TRIQK: variants seen among roughly 807,000 people sequenced by gnomAD.
TRIQK encodes triple QxxK/R motif-containing protein.
A neutral mutation model predicts 10.8 loss-of-function variants in TRIQK; 10 were observed. The ratio of observed to expected loss-of-function variants is 0.92; its 90% CI spans 0.57 to 1.57. The LOEUF (loss-of-function observed/expected upper bound fraction) is 1.57. Ranked by LOEUF, TRIQK falls within the 40% of genes most tolerant of loss-of-function variation. The pLI, the probability that TRIQK is intolerant of heterozygous loss-of-function variation, is 0.00. For synonymous variants in TRIQK, 33 were observed against 33.7 expected (o/e 0.98, Z 0.07); for missense variants, 107 against 97.7 (o/e 1.09, Z -0.40).
chr8:92,926,265 T>G (rs1183507118), intron 2 of TRIQK: 1 of 152,150 alleles, frequency 6.6e-6, no homozygotes, highest in Non-Finnish European at 1.5e-5. Context: ...AAATGGTCAT[T>G]CATCAGTGTT....
intron 2 of TRIQK, among the ~76,000 whole-genome samples, chr8:92,947,246 TTA>T (rs111754734): frequency 9.3e-4 from 138 of 149,014 alleles, no homozygotes; most frequent in African/African-American, 2.6e-3. Flanking sequence ...TCAACAGTGT[TTA>T]TATATATATA....
intron 3 of TRIQK, among the ~76,000 whole-genome samples, chr8:92,909,546 T>A (rs1809460619): frequency 6.6e-6 from 1 of 151,842 alleles, no homozygotes; most frequent in Non-Finnish European, 1.5e-5. Flanking sequence ...CCAATGATAA[T>A]TTTTCAATGC....
intron 3 of TRIQK, among the ~76,000 whole-genome samples, chr8:92,900,544 C>G (rs1292799967): frequency 6.6e-6 from 1 of 151,978 alleles, no homozygotes; most frequent in African/African-American, 2.4e-5. Flanking sequence ...AAAATGAGCT[C>G]ACTGTAGATG....
intron 1 of TRIQK, among the ~76,000 whole-genome samples, chr8:92,960,224 A>G (rs1812383283): frequency 1.3e-5 from 2 of 152,094 alleles, no homozygotes; most frequent in East Asian, 3.9e-4. Flanking sequence ...CTATCTATGT[A>G]TCTATCTTCT....
At chr8:92,980,722 A>G (rs1405636489) in intron 1 of TRIQK, among the ~76,000 whole-genome samples, 2 of 152,028 alleles carry the variant, frequency 1.3e-5, no homozygotes, top group South Asian at 2.1e-4. Flanking sequence ...TCATTCTCTT[A>G]TATTTTAAAT....
At chr8:92,902,248 A>G (rs1808979275) in intron 3 of TRIQK, among the ~76,000 whole-genome samples, 1 of 152,050 alleles carries the variant, frequency 6.6e-6, no homozygotes, top group African/African-American at 2.4e-5. Context: ...GCTGAAACTC[A>G]GGTTCGTACC....
At position 92,885,153 on chromosome 8, in the gene TRIQK, A is replaced by G. The variant is rs1816409414; in HGVS notation, c.*1469T>C. ...ATAAATGATTTGTGAGGATATTGGA[A>G]CCTTTGGCTGTTTTCACACCAATGA... On this transcript the variant is annotated 3_prime_UTR_variant, in exon 5 of 5. Transcript: ENST00000521988. The G allele has an allele frequency of 5.2e-6, 2 of 381,670 alleles. No homozygotes were observed. Among genetic ancestry groups the G allele is most frequent in the South Asian group, 1.9e-5 (1 of 51,460 alleles). 23.6% of individuals were successfully genotyped at this position (381,670 alleles called of 1,614,324 possible). A position where few individuals can be genotyped will look rare whatever the true frequency, so the allele number is the denominator to read the frequency against.
intron 1 of TRIQK, chr8:92,965,584 C>T (rs1377294051): frequency 6.6e-6 from 1 of 152,394 alleles, no homozygotes; most frequent in African/African-American, 2.4e-5. Flanking sequence ...AGTAATCGGT[C>T]AGCACAAAGG....
At chr8:92,984,695 A>G (rs1813016138) in intron 1 of TRIQK, among the ~76,000 whole-genome samples, 2 of 152,162 alleles carry the variant, frequency 1.3e-5, no homozygotes, top group African/African-American at 4.8e-5. Context: ...AACTTAAGAT[A>G]AAATAATTTT....
chr8:92,941,949 T>C (rs1387965895), intron 2 of TRIQK, among the ~76,000 whole-genome samples: 3 of 152,116 alleles, frequency 2.0e-5, no homozygotes, highest in Admixed American at 6.5e-5. Flanking sequence ...CTCTCATCAG[T>C]GAAAATCCCA....
chr8:92,907,297 C>T (rs1390080746), intron 3 of TRIQK, among the ~76,000 whole-genome samples: 2 of 152,162 alleles, frequency 1.3e-5, no homozygotes, highest in African/African-American at 4.8e-5. Context: ...ACATCGTTCT[C>T]ATGCCCTAAA....
intron 2 of TRIQK, among the ~76,000 whole-genome samples, chr8:92,927,000 C>T (rs1810478655): frequency 6.6e-6 from 1 of 151,996 alleles, no homozygotes; most frequent in Non-Finnish European, 1.5e-5. Context: ...GCAGTGAGCT[C>T]TGATCATGCC....
rs756961687 is a variant in TRIQK, at chr8:93,006,641, C to T, written c.-181+10968G>A. ...GGAGGGGCAGCAGCCATCACTGCAG[C>T]TCCAGTCTGCCCCTTTTCCCCTGTC... On this transcript the variant is annotated intron_variant, in intron 1 of 4. Coordinates refer to the TRIQK transcript ENST00000520686. Among the ~76,000 whole-genome samples, 12 of 152,184 alleles carry T rather than the reference C, an allele frequency of 7.9e-5. 1 individual carries two copies. Among genetic ancestry groups the T allele is most frequent in the Admixed American group, 1.3e-4 (2 of 15,284 alleles).
Position 92,885,896 on chromosome 8 carries a change from TTAGAA to T in TRIQK, c.*721_*725del, listed in dbSNP as rs1265131904. On this transcript the variant is annotated 3_prime_UTR_variant, in exon 5 of 5. Transcript: ENST00000521988. The stretch of plus-strand genomic sequence containing the variant: ...ACTACAAGCAGCCAGAACAACATAA[TTAGAA>T]TAGAATTCCAAGGTTATATTAATAG... 6.6e-6 allele frequency: 1 copy of T among 151,644 alleles called. No homozygotes were observed. Among genetic ancestry groups the T allele is most frequent in the Non-Finnish European group, 1.5e-5 (1 of 67,764 alleles). The allele number at this position is 151,644 out of a possible 1,614,324, so 9.4% of individuals were successfully genotyped here.
intron 2 of TRIQK, among the ~76,000 whole-genome samples, chr8:92,940,895 T>C (rs1263963134): frequency 1.3e-5 from 2 of 152,162 alleles, no homozygotes; most frequent in Non-Finnish European, 2.9e-5. Context: ...CTAGTCTTAA[T>C]AAATTTAAGA....
chr8:92,917,206 C>A (rs1809908851), intron 2 of TRIQK, among the ~76,000 whole-genome samples, 196 bp from the exon 3 acceptor site: 2 of 151,824 alleles, frequency 1.3e-5, no homozygotes, highest in Non-Finnish European at 2.9e-5. Flanking sequence ...AATTAAATTT[C>A]TCAATCATTT....
chr8:92,921,882 C>A (rs553864516), intron 2 of TRIQK, among the ~76,000 whole-genome samples: 1 of 151,840 alleles, frequency 6.6e-6, no homozygotes, highest in Admixed American at 6.6e-5. Flanking sequence ...TATTGTTTAT[C>A]TATATATATT....
At chr8:93,017,274 G>C (rs372580330) in intron 1 of TRIQK, among the ~76,000 whole-genome samples, 1 of 151,976 alleles carries the variant, frequency 6.6e-6, no homozygotes, top group Non-Finnish European at 1.5e-5. Context: ...TGACGCTCTC[G>C]TTCAGTCACT....
upstream of TRIQK, among the ~76,000 whole-genome samples, chr8:92,967,698 T>TTAC (rs1812808051): frequency 6.6e-6 from 1 of 151,588 alleles, no homozygotes; most frequent in Non-Finnish European, 1.5e-5. Context: ...GGCAGGCACC[T>TTAC]GTAATCCCAG....
Sources: gnomAD v4.1 joint callset for allele counts (sites outside exome capture counted in the v4.1 genomes callset) on GRCh38, gnomAD v4.1.1 for gene constraint, MANE v1.5 for transcripts, NCBI Gene and HGNC (gene_info 2026-07-23, HGNC 2026-07-21) for gene names.